PSD3: variants seen among roughly 807,000 people sequenced by gnomAD.
PSD3 encodes the protein PH and SEC7 domain-containing protein 3.
PSD3 carries 49 observed loss-of-function variants against 105.5 expected under a neutral mutation model. The observed-to-expected ratio is 0.46, with a 90% CI of 0.37 to 0.59. PSD3 has a LOEUF of 0.59. Among genes scored for constraint, PSD3 ranks in the 20% least tolerant of loss-of-function variants. The pLI is 0.00. For synonymous variants in PSD3, 557 were observed against 457.8 expected, an observed-to-expected ratio of 1.22 and a Z score of -2.77; for missense variants, 1,561 against 1,263.8, an observed-to-expected ratio of 1.24 and a Z score of -3.57.
chr8:18,782,680 T>C (rs979169562), intron 8 of PSD3, among the ~76,000 whole-genome samples: 1 of 152,306 alleles, frequency 6.6e-6, no homozygotes, highest in African/African-American at 2.4e-5. Context: ...GTGGCAACAA[T>C]GGGCTGAGTG....
chr8:18,768,552 G>C (rs918548907), intron 8 of PSD3, among the ~76,000 whole-genome samples: 1 of 152,174 alleles, frequency 6.6e-6, no homozygotes, highest in African/African-American at 2.4e-5. Context: ...AGCCATAATT[G>C]TGCCACTGCA....
chr8:18,838,150 T>TA (rs1438811035), intron 4 of PSD3, among the ~76,000 whole-genome samples: 2 of 152,248 alleles, frequency 1.3e-5, no homozygotes, highest in African/African-American at 4.8e-5. Context: ...ACACAGCTCA[T>TA]ACTGTATTCA....
chr8:18,818,056 C>T (rs998205308), intron 4 of PSD3, among the ~76,000 whole-genome samples: 53 of 152,088 alleles, frequency 3.5e-4, no homozygotes, highest in African/African-American at 1.1e-3. Context: ...CCGGTTCAAG[C>T]GATTCTCCCA....
At chr8:19,046,079 T>C (rs555678063) in intron 1 of PSD3, among the ~76,000 whole-genome samples, 10 of 152,272 alleles carry the variant, frequency 6.6e-5, no homozygotes, top group East Asian at 3.9e-4. Context: ...AAGAAAACAT[T>C]GTATAGAACA....
In PSD3 at chr8:18,635,285, T is replaced by A. The variant is rs542194843; in HGVS notation, c.2217-2479A>T. ...CTTCTCCAAGGAGCCTTGGTTCTTC[T>A]TACTGGAGAACAGTATTTAGAAATC... On this transcript the variant is annotated intron_variant, in intron 10 of 15. Coordinates refer to ENST00000327040, the MANE Select transcript of PSD3 (RefSeq NM_015310.4). Among the ~76,000 whole-genome samples the A allele has an allele frequency of 2.6e-5, 4 of 152,258 alleles. No homozygotes were observed. The East Asian group carries it at 7.7e-4, about 29-fold the overall frequency.
At chr8:18,665,799 T>A (rs1799418037) in intron 9 of PSD3, among the ~76,000 whole-genome samples, 1 of 152,192 alleles carries the variant, frequency 6.6e-6, no homozygotes, top group African/African-American at 2.4e-5. Flanking sequence ...TGCAGTGAGC[T>A]GTGATCGTGC....
intron 9 of PSD3, among the ~76,000 whole-genome samples, chr8:18,704,698 T>C (rs1801787814): frequency 1.3e-5 from 2 of 152,192 alleles, no homozygotes; most frequent in Non-Finnish European, 2.9e-5. Context: ...GCTGAGACAC[T>C]TCCTATCTAG....
intron 1 of PSD3, among the ~76,000 whole-genome samples, chr8:19,060,375 A>C (rs528936600): frequency 6.6e-6 from 1 of 152,202 alleles, no homozygotes; most frequent in Non-Finnish European, 1.5e-5. Flanking sequence ...TGATTTCCTT[A>C]TATCTGTAAC....
intron 10 of PSD3, among the ~76,000 whole-genome samples, chr8:18,642,808 G>C (rs1056492687): frequency 6.6e-6 from 1 of 152,146 alleles, no homozygotes; most frequent in African/African-American, 2.4e-5. Flanking sequence ...CAAGAGAAAT[G>C]CCACTTAGAC....
At chr8:18,737,549 C>T (rs1214918667) in intron 9 of PSD3, among the ~76,000 whole-genome samples, 3 of 152,126 alleles carry the variant, frequency 2.0e-5, no homozygotes, top group African/African-American at 7.2e-5. Flanking sequence ...GCAATCTGCT[C>T]GCTTGGCCTC....
At chr8:18,688,254 C>CTGTT (rs10693160) in intron 9 of PSD3, among the ~76,000 whole-genome samples, 22,337 of 148,826 alleles carry the variant, frequency 0.15, 3,900 homozygotes, top group African/African-American at 0.42. Context: ...TCACGTCAGG[C>CTGTT]TGTTTGTTTG....
chr8:18,580,597 A>G (rs1391508479), intron 12 of PSD3, among the ~76,000 whole-genome samples: 1 of 152,062 alleles, frequency 6.6e-6, no homozygotes, highest in East Asian at 1.9e-4. Flanking sequence ...ACAAACAAAC[A>G]AAAACCCCTT....
At chr8:18,576,210 A>T (rs1802455167) in intron 12 of PSD3, among the ~76,000 whole-genome samples, 1 of 152,170 alleles carries the variant, frequency 6.6e-6, no homozygotes, top group East Asian at 1.9e-4. Flanking sequence ...CATCAATTCA[A>T]ATTGAGTCAA....
At chr8:18,695,405 G>A (rs1178502949) in intron 9 of PSD3, among the ~76,000 whole-genome samples, 1 of 152,200 alleles carries the variant, frequency 6.6e-6, no homozygotes, top group Non-Finnish European at 1.5e-5. Context: ...AAACTAGGTA[G>A]TATATCAAAT....
intron 1 of PSD3, among the ~76,000 whole-genome samples, chr8:19,027,034 A>G (rs1266721483): frequency 6.6e-6 from 1 of 152,166 alleles, no homozygotes; most frequent in Non-Finnish European, 1.5e-5. Context: ...TGTTGTAAAC[A>G]TTGTCGACAA....
chr8:18,758,437 G>C (rs1806240932), intron 9 of PSD3, among the ~76,000 whole-genome samples: 1 of 142,780 alleles, frequency 7.0e-6, no homozygotes, highest in African/African-American at 2.7e-5. Context: ...TTTTTAAGAA[G>C]AATCATTACA....
chr8:18,880,140 A>C (rs565041067), intron 2 of PSD3, among the ~76,000 whole-genome samples: 2 of 152,266 alleles, frequency 1.3e-5, no homozygotes, highest in African/African-American at 4.8e-5. Flanking sequence ...CCTTTTATTT[A>C]GAATTTCTGA....
chr8:18,683,578 C>A (rs774745457), intron 9 of PSD3, among the ~76,000 whole-genome samples: 5 of 152,158 alleles, frequency 3.3e-5, no homozygotes, highest in Non-Finnish European at 7.4e-5. Flanking sequence ...CAAAACTGAC[C>A]CATGCCACAG....
chr8:18,618,977 G>A (rs745393792), intron 11 of PSD3, among the ~76,000 whole-genome samples: 10 of 152,196 alleles, frequency 6.6e-5, no homozygotes, highest in South Asian at 4.1e-4. Context: ...GTTCTCAGCC[G>A]AGTAACAAGG....
Sources: gnomAD v4.1 joint callset for allele counts (sites outside exome capture counted in the v4.1 genomes callset) on GRCh38, gnomAD v4.1.1 for gene constraint, MANE v1.5 for transcripts, NCBI Gene and HGNC (gene_info 2026-07-23, HGNC 2026-07-21) for gene names.